FRMD4A: variants seen among roughly 807,000 people sequenced by gnomAD.
FRMD4A encodes the protein FERM domain containing 4A.
FRMD4A carries 29 observed loss-of-function variants against 129.1 expected under a neutral mutation model. That is an observed-to-expected ratio of 0.22 (90% CI 0.17 to 0.31). FRMD4A has a LOEUF of 0.31. FRMD4A is among the 10% of genes least tolerant of loss of function. The probability of loss-of-function intolerance (pLI) is 1.00; values close to 1 mark genes in which losing one functional copy is unlikely to be tolerated. For synonymous variants in FRMD4A, 634 were observed against 571.6 expected, an observed-to-expected ratio of 1.11 and a Z score of -1.56; for missense variants, 1,272 against 1,375.8, an observed-to-expected ratio of 0.92 and a Z score of 1.19.
At chr10:13,734,834 CTTTTTCTA>C (rs1230843843) in intron 12 of FRMD4A, among the ~76,000 whole-genome samples, 29 of 143,184 alleles carry the variant, frequency 2.0e-4, no homozygotes, top group Middle Eastern at 3.6e-3. Context: ...TTTTCTTCTT[CTTTTTCTA>C]TTTATTTATT....
At chr10:13,939,698 C>T (rs774403325) in intron 2 of FRMD4A, among the ~76,000 whole-genome samples, 1 of 152,132 alleles carries the variant, frequency 6.6e-6, no homozygotes, top group African/African-American at 2.4e-5. Flanking sequence ...CCAACAACAA[C>T]AAGAATAATC....
At chr10:14,088,723 T>C (rs1363428426) in intron 2 of FRMD4A, among the ~76,000 whole-genome samples, 3 of 141,660 alleles carry the variant, frequency 2.1e-5, no homozygotes, top group Admixed American at 7.5e-5. Flanking sequence ...GAGGCGGAGC[T>C]TGCCGCGAGC....
At chr10:13,979,679 A>G (rs1436048161) in intron 2 of FRMD4A, among the ~76,000 whole-genome samples, 2 of 144,882 alleles carry the variant, frequency 1.4e-5, no homozygotes, top group Non-Finnish European at 1.5e-5. Context: ...TCAGTTTTCA[A>G]TGCTCTATTC....
chr10:14,288,344 G>A (rs546864562), intron 2 of FRMD4A, among the ~76,000 whole-genome samples: 1 of 152,232 alleles, frequency 6.6e-6, no homozygotes, highest in African/African-American at 2.4e-5. Context: ...GGGGGCTGGA[G>A]GTAAGGGAAG....
At chr10:13,806,737 A>G (rs778788757) in intron 4 of FRMD4A, among the ~76,000 whole-genome samples, 1 of 152,210 alleles carries the variant, frequency 6.6e-6, no homozygotes, top group African/African-American at 2.4e-5. Flanking sequence ...AGGCATTGGT[A>G]TTTTATAAAG....
At chr10:14,275,760 CG>C in intron 2 of FRMD4A, among the ~76,000 whole-genome samples, 1 of 152,056 alleles carries the variant, frequency 6.6e-6, no homozygotes, top group East Asian at 1.9e-4. Flanking sequence ...GGTGAGTGGC[CG>C]GGAGTGGCAG....
At chr10:13,878,062 C>T (rs993901311) in intron 2 of FRMD4A, among the ~76,000 whole-genome samples, 6 of 152,004 alleles carry the variant, frequency 3.9e-5, no homozygotes, top group African/African-American at 1.2e-4. Flanking sequence ...CCCCGGCAAA[C>T]GAGAGTCTAA....
intron 2 of FRMD4A, among the ~76,000 whole-genome samples, chr10:14,049,899 C>T (rs765355683): frequency 5.9e-5 from 9 of 152,152 alleles, no homozygotes; most frequent in Non-Finnish European, 8.8e-5. Context: ...TTGGCTTTTA[C>T]GCGTTGACTG....
chr10:14,075,491 T>C (rs11813757), intron 2 of FRMD4A, among the ~76,000 whole-genome samples: 6,553 of 152,294 alleles, frequency 0.043, 230 homozygotes, highest in East Asian at 0.16. Context: ...CCTGTGCCTA[T>C]CTCTTTCTGT....
At chr10:13,707,918 G>GA in intron 12 of FRMD4A, 1 of 984,234 alleles carries the variant, frequency 1.0e-6, no homozygotes, top group Non-Finnish European at 1.2e-6. Flanking sequence ...GTAATGTTTG[G>GA]AAGTAATTAG....
At chr10:13,730,859 C>CAAAA (rs10639026) in intron 12 of FRMD4A, among the ~76,000 whole-genome samples, 3,256 of 90,770 alleles carry the variant, frequency 0.036, 98 homozygotes, top group African/African-American at 0.048. Flanking sequence ...ACTAAAAATA[C>CAAAA]AAAAAAAAAA....
At chr10:13,991,653 C>T (rs1163577403) in intron 2 of FRMD4A, among the ~76,000 whole-genome samples, 1 of 152,182 alleles carries the variant, frequency 6.6e-6, no homozygotes. Context: ...TTTTGATACA[C>T]CTGTTGGGAC....
intron 2 of FRMD4A, among the ~76,000 whole-genome samples, chr10:14,223,015 G>A (rs1207870089): frequency 6.6e-6 from 1 of 152,164 alleles, no homozygotes; most frequent in Non-Finnish European, 1.5e-5. Context: ...TTGAACCTGG[G>A]AGTCAGAGTT....
chr10:14,149,344 T>G (rs1048913500), intron 2 of FRMD4A, among the ~76,000 whole-genome samples: 3 of 152,172 alleles, frequency 2.0e-5, no homozygotes, highest in Non-Finnish European at 2.9e-5. Flanking sequence ...CTTTTATTTA[T>G]GTATTTATTT....
chr10:13,941,343 G>T (rs1444287584), intron 2 of FRMD4A, among the ~76,000 whole-genome samples: 2 of 152,114 alleles, frequency 1.3e-5, no homozygotes, highest in Non-Finnish European at 2.9e-5. Flanking sequence ...CACCATGATT[G>T]TGATGCCTCC....
chr10:14,011,335 G>A (rs973472007), intron 2 of FRMD4A, among the ~76,000 whole-genome samples: 1 of 152,190 alleles, frequency 6.6e-6, no homozygotes, highest in Non-Finnish European at 1.5e-5. Context: ...GAGGGGCTAA[G>A]AACCACAAAG....
At chr10:14,060,820 C>T (rs1247066325) in intron 2 of FRMD4A, among the ~76,000 whole-genome samples, 1 of 152,106 alleles carries the variant, frequency 6.6e-6, no homozygotes, top group Admixed American at 6.5e-5. Context: ...TGAATCTTTT[C>T]TGATCTTTGG....
chr10:13,699,884 G>A (rs11258537), intron 14 of FRMD4A, among the ~76,000 whole-genome samples: 5,846 of 152,166 alleles, frequency 0.038, 189 homozygotes, highest in Non-Finnish European at 0.055. Context: ...CTAGGACTAG[G>A]ACCCATCACT....
chr10:13,695,147 A>G (rs902527332), intron 14 of FRMD4A, among the ~76,000 whole-genome samples: 3 of 147,710 alleles, frequency 2.0e-5, no homozygotes, highest in Admixed American at 1.4e-4. Context: ...TTCAAAAAAA[A>G]ATTTTTTTTT....
Sources: gnomAD v4.1 joint callset for allele counts (sites outside exome capture counted in the v4.1 genomes callset) on GRCh38, gnomAD v4.1.1 for gene constraint, MANE v1.5 for transcripts, NCBI Gene and HGNC (gene_info 2026-07-23, HGNC 2026-07-21) for gene names.